Variants in PARD3B observed in about 807,000 individuals in gnomAD.
The protein encoded by PARD3B is par-3 family cell polarity regulator beta.
PARD3B carries 103 observed loss-of-function variants against 130.2 expected under a neutral mutation model. That is an observed-to-expected ratio of 0.79 (90% CI 0.67 to 0.93). PARD3B has a LOEUF of 0.93. Among genes scored for constraint, PARD3B ranks in the 40% least tolerant of loss-of-function variants. The probability of loss-of-function intolerance (pLI) is 0.00; values close to 1 mark genes in which losing one functional copy is unlikely to be tolerated. For missense variants in PARD3B, 1,609 were observed against 1,499.2 expected (o/e 1.07, Z -1.21); for synonymous variants, 583 against 553.2 (o/e 1.05, Z -0.76).
chr2:204,991,554 T>C (rs1197280693), intron 3 of PARD3B, among the ~76,000 whole-genome samples: 2 of 144,436 alleles, frequency 1.4e-5, no homozygotes, highest in African/African-American at 2.6e-5. Flanking sequence ...CATGTGTCTT[T>C]ATAGCAGCAT....
At chr2:204,864,219 AT>A (rs1212942522) in intron 2 of PARD3B, among the ~76,000 whole-genome samples, 2 of 152,120 alleles carry the variant, frequency 1.3e-5, no homozygotes, top group African/African-American at 2.4e-5. Context: ...CCCGTGCCAG[AT>A]TTGCATATGG....
At chr2:205,194,339 A>T (rs2036556346) in intron 15 of PARD3B, among the ~76,000 whole-genome samples, 3 of 152,212 alleles carry the variant, frequency 2.0e-5, no homozygotes, top group Admixed American at 1.3e-4. Context: ...TAACTAAATG[A>T]CTGGGATGCA....
intron 10 of PARD3B, among the ~76,000 whole-genome samples, chr2:205,134,359 C>CAA (rs56722764): frequency 0.6 from 82,207 of 136,692 alleles, 25,911 homozygotes; most frequent in Admixed American, 0.74. Context: ...CCCATCTCTA[C>CAA]AAAAAAAAAA....
intron 3 of PARD3B, among the ~76,000 whole-genome samples, chr2:205,029,073 G>A (rs1366038644): frequency 1.3e-5 from 2 of 152,220 alleles, no homozygotes; most frequent in Admixed American, 1.3e-4. Flanking sequence ...TTGTGTCTCT[G>A]TTTCAGCCTA....
chr2:205,130,417 T>A (rs567872306), intron 10 of PARD3B, among the ~76,000 whole-genome samples: 2 of 152,308 alleles, frequency 1.3e-5, no homozygotes, highest in South Asian at 4.1e-4. Context: ...AAAGCCGTAT[T>A]TCCACTTAAG....
intron 22 of PARD3B, among the ~76,000 whole-genome samples, chr2:205,574,917 A>G (rs1206876293): frequency 6.6e-6 from 1 of 151,578 alleles, no homozygotes; most frequent in Non-Finnish European, 1.5e-5. Flanking sequence ...TTTACAGACT[A>G]GAAGCCTACA....
intron 21 of PARD3B, among the ~76,000 whole-genome samples, chr2:205,538,441 T>G (rs761838811): frequency 7.3e-5 from 11 of 151,346 alleles, no homozygotes; most frequent in Non-Finnish European, 1.0e-4. Context: ...GCATTGTTTC[T>G]GTAAACAACA....
chr2:205,520,760 A>T (rs2051009846), intron 21 of PARD3B, among the ~76,000 whole-genome samples: 1 of 151,910 alleles, frequency 6.6e-6, no homozygotes, highest in South Asian at 2.1e-4. Flanking sequence ...TTTAAGTCAT[A>T]TTTTTTTACT....
chr2:204,597,927 T>C (rs2033363459), intron 1 of PARD3B, among the ~76,000 whole-genome samples: 1 of 152,212 alleles, frequency 6.6e-6, no homozygotes, highest in Admixed American at 6.5e-5. Context: ...CTTTGTTTAG[T>C]CCAGTGTTTA....
chr2:205,468,286 A>G (rs2048702839), intron 20 of PARD3B, among the ~76,000 whole-genome samples: 1 of 152,216 alleles, frequency 6.6e-6, no homozygotes, highest in South Asian at 2.1e-4. Flanking sequence ...TTTAGCTACA[A>G]ACTTTTCCTT....
intron 15 of PARD3B, among the ~76,000 whole-genome samples, chr2:205,193,680 G>A (rs1921798): frequency 0.74 from 112,235 of 152,104 alleles, 41,684 homozygotes; most frequent in East Asian, 0.97. Context: ...CACTCTGTGC[G>A]GGCATACCTG....
At chr2:205,031,575 T>C (rs1297009024) in intron 3 of PARD3B, among the ~76,000 whole-genome samples, 4 of 152,192 alleles carry the variant, frequency 2.6e-5, no homozygotes, top group Non-Finnish European at 5.9e-5. Context: ...TAGGCCTATG[T>C]TGTTGAATTT....
Position 204,710,773 on chromosome 2 carries a change from G to T in PARD3B, c.222+24491G>T, listed in dbSNP as rs570353153. Among the ~76,000 whole-genome samples the T allele has an allele frequency of 3.3e-5, 5 of 152,250 alleles. No individual in the cohort carries two copies. The Middle Eastern group carries it at 0.014, about 414-fold the overall frequency. ...GTTGGGGTCCTGGAATCTGTATGGC[G>T]TCCTGTGCTGTTTTATTTATTTACT... is the stretch of plus-strand genomic sequence containing the variant. On this transcript the variant is annotated intron_variant, in intron 2 of 22. Transcript: ENST00000406610.
chr2:205,227,968 A>G (rs1239955271), intron 15 of PARD3B, among the ~76,000 whole-genome samples: 2 of 152,180 alleles, frequency 1.3e-5, no homozygotes, highest in Non-Finnish European at 2.9e-5. Context: ...ACAGGCAAAA[A>G]GAAGACTAAT....
chr2:205,451,057 G>A (rs1215218626), intron 20 of PARD3B, among the ~76,000 whole-genome samples: 3 of 152,178 alleles, frequency 2.0e-5, no homozygotes, highest in Non-Finnish European at 4.4e-5. Flanking sequence ...CTGTTTGACT[G>A]TAAACAACAG....
At chr2:205,507,160 C>T (rs1366951103) in intron 21 of PARD3B, among the ~76,000 whole-genome samples, 2 of 134,482 alleles carry the variant, frequency 1.5e-5, no homozygotes, top group African/African-American at 5.6e-5. Flanking sequence ...CACGTGTCCA[C>T]TTCTGAACCA....
chr2:204,756,800 G>A (rs1330514285), intron 2 of PARD3B, among the ~76,000 whole-genome samples: 1 of 152,156 alleles, frequency 6.6e-6, no homozygotes, highest in Non-Finnish European at 1.5e-5. Context: ...GGGGGTTCCT[G>A]TGCAGGTTTG....
At chr2:205,387,143 T>A (rs12694023) in intron 18 of PARD3B, among the ~76,000 whole-genome samples, 2 of 152,020 alleles carry the variant, frequency 1.3e-5, no homozygotes, top group Admixed American at 1.3e-4. Flanking sequence ...ATGTGATTGG[T>A]TCTTAATGGC....
chr2:205,497,156 TAAAG>T (rs1200250528), intron 20 of PARD3B, among the ~76,000 whole-genome samples: 1 of 141,478 alleles, frequency 7.1e-6, no homozygotes, highest in Non-Finnish European at 1.5e-5. Flanking sequence ...TTAAGTATAG[TAAAG>T]AAAGAGAATT....
Sources: allele counts gnomAD v4.1 joint callset (sites outside exome capture counted in the v4.1 genomes callset), GRCh38; gene constraint gnomAD v4.1.1; transcripts MANE v1.5; gene names NCBI Gene and HGNC (gene_info 2026-07-23, HGNC 2026-07-21).